Variants in CACNA1H observed in about 807,000 individuals in gnomAD.
The protein encoded by CACNA1H is voltage-dependent T-type calcium channel subunit alpha-1H.
A neutral mutation model predicts 192.5 loss-of-function variants in CACNA1H; 149 were observed. That is an observed-to-expected ratio of 0.77 (90% CI 0.68 to 0.89). CACNA1H has a LOEUF of 0.89. CACNA1H is among the 40% of genes least tolerant of loss of function. CACNA1H has a pLI of 0.00. For synonymous variants in CACNA1H, 2,202 were observed against 1,475.2 expected, an observed-to-expected ratio of 1.49 and a Z score of -11.29; for missense variants, 4,257 against 3,423.5, an observed-to-expected ratio of 1.24 and a Z score of -6.08.
chr16:1,201,407 G>T (rs1046338337), intron 8 of CACNA1H, among the ~76,000 whole-genome samples: 1 of 152,274 alleles, frequency 6.6e-6, no homozygotes. Flanking sequence ...TAAAGGAGGG[G>T]CCGAGCCACA....
rs575944941 is a variant in CACNA1H at position 1,218,514 on chromosome 16, G to T, written c.5750G>T (p.Arg1917Leu). Residue 1917 changes from arginine (R) to leucine (L), a missense_variant, in exon 33 of 35, where the codon CGC becomes CTC. By Grantham distance (102) the Arg-to-Leu change is moderately radical. Coordinates refer to ENST00000348261, the MANE Select transcript of CACNA1H (RefSeq NM_021098.3). ...AGGGACGCCCCAAACCTGGTTGCAC[G>T]CAAGGTGTCCGTGTCCAGGATGCTC... ...GARDAPNLVA[R>L]KVSVSRMLSL... 5 of 1,553,986 alleles carry T rather than the reference G, an allele frequency of 3.2e-6. No individual in the cohort carries two copies. The South Asian group carries it at 5.9e-5, about 18-fold the overall frequency.
chr16:1,168,739 C>G (rs1003542322), intron 2 of CACNA1H, among the ~76,000 whole-genome samples: 1 of 152,186 alleles, frequency 6.6e-6, no homozygotes, highest in Non-Finnish European at 1.5e-5. Context: ...ATGCCCCACT[C>G]TGGGTGCCTT....
intron 5 of CACNA1H, 121 bp from the exon 6 acceptor site, chr16:1,198,494 C>T: frequency 5.8e-6 from 6 of 1,038,080 alleles, no homozygotes; most frequent in East Asian, 2.4e-5. Flanking sequence ...AGTCAGTGTG[C>T]AGTGGGCGTG....
chr16:1,212,443 A>AGCAGGGAGG, intron 25 of CACNA1H, 68 bp from the exon 26 acceptor site: 2 of 1,480,024 alleles, frequency 1.4e-6, no homozygotes, highest in South Asian at 2.4e-5. Context: ...GCTGAGGGAG[A>AGCAGGGAGG]GCAGGGAGGG....
Position 1,221,750 on chromosome 16 carries a change from T to C in CACNA1H, c.*756T>C, listed in dbSNP as rs376972103. 7.1e-6 allele frequency: 11 copies of C among 1,558,598 alleles called. No individual in the cohort carries two copies. The highest frequency in any genetic ancestry group is 9.6e-6 in the Non-Finnish European group (11 of 1,149,984). Reference sequence around the variant, plus strand: ...GAGGGAGGGGGCGGAGCGGAATAAATAGTAACTTATTTAAGAAATGCACTT... The same window carrying C: ...GAGGGAGGGGGCGGAGCGGAATAAACAGTAACTTATTTAAGAAATGCACTT... On this transcript the variant is annotated 3_prime_UTR_variant, in exon 35 of 35. Coordinates refer to ENST00000348261, the MANE Select transcript of CACNA1H (RefSeq NM_021098.3).
intron 2 of CACNA1H, among the ~76,000 whole-genome samples, chr16:1,162,554 T>TG (rs1486153547): frequency 6.6e-6 from 1 of 151,202 alleles, no homozygotes; most frequent in Non-Finnish European, 1.5e-5. Flanking sequence ...GAGCCTCGGT[T>TG]GGCACGGGGG....
In CACNA1H at chr16:1,210,037, C is replaced by T. The variant is rs773881668; in HGVS notation, c.3747C>T (p.Ser1249=). 1.9e-6 allele frequency: 3 copies of T among 1,549,390 alleles called. No individual in the cohort carries two copies. Among genetic ancestry groups the T allele is most frequent in the South Asian group, 1.2e-5 (1 of 84,084 alleles). Reference sequence around the variant, plus strand: ...GAAGCCGCCGCCTCATCCCACAGAGCTGCTGCCTCCGCCTGCATAAAGTGC... The same window carrying T: ...GAAGCCGCCGCCTCATCCCACAGAGTTGCTGCCTCCGCCTGCATAAAGTGC... ...AAELDDDSED[S]CCLRLHKVLE... is the part of the protein sequence containing the mutation. The change falls in exon 18 of 35, where the codon AGC becomes AGT. Residue 1249 remains serine, a splice_region_variant and synonymous_variant. Transcript: ENST00000348261.
At chr16:1,184,463 C>CA (rs1466632277) in intron 2 of CACNA1H, among the ~76,000 whole-genome samples, 2 of 152,240 alleles carry the variant, frequency 1.3e-5, no homozygotes, top group Non-Finnish European at 2.9e-5. Flanking sequence ...GGGGAGGGCT[C>CA]ATCACCTGCC....
intron 26 of CACNA1H, 101 bp from the exon 27 acceptor site, chr16:1,213,679 T>C (rs1226837775): frequency 3.4e-6 from 3 of 878,186 alleles, no homozygotes; most frequent in Non-Finnish European, 5.0e-6. Context: ...GCCCCCAACT[T>C]CTACCCTACA....
In CACNA1H at chr16:1,220,646, A is replaced by G; in HGVS notation, c.6714A>G (p.Ser2238=). 2 of 1,602,654 alleles carry G rather than the reference A, an allele frequency of 1.2e-6. No homozygotes were observed. The highest frequency in any genetic ancestry group is 1.7e-6 in the Non-Finnish European group (2 of 1,174,954). The part of the protein sequence containing the change: ...HRDSLEPTEG[S]GAGGDPAAKG... ...ACTCCCTGGAGCCCACAGAGGGCTC[A>G]GGCGCCGGGGGGGACCCTGCAGCCA... is the stretch of plus-strand genomic sequence containing the variant. Residue 2238 remains serine, a synonymous_variant, in exon 35 of 35, where the codon TCA becomes TCG. Coordinates refer to ENST00000348261, the MANE Select transcript of CACNA1H (RefSeq NM_021098.3).
At chr16:1,202,839 G>A (rs1214493989) in intron 9 of CACNA1H, among the ~76,000 whole-genome samples, 1 of 152,152 alleles carries the variant, frequency 6.6e-6, no homozygotes, top group African/African-American at 2.4e-5. Flanking sequence ...CGTGGCCATT[G>A]AGGCTGGCCC....
intron 2 of CACNA1H, among the ~76,000 whole-genome samples, chr16:1,155,514 G>C (rs1212015572): frequency 1.3e-5 from 2 of 152,196 alleles, no homozygotes; most frequent in Non-Finnish European, 2.9e-5. Context: ...GACTGCATGG[G>C]TTGGAATGGG....
At position 1,200,551 on chromosome 16, in the gene CACNA1H, G is replaced by A. The variant is rs755831332; in HGVS notation, c.1099G>A (p.Ala367Thr). The change falls in exon 7 of 35, where the codon GCC becomes ACC. Residue 367 changes from alanine (A) to threonine (T), a missense_variant. Transcript: ENST00000348261. ...GAINFDNIGYAWIAIFQVITL... is the reference protein window; with the variant it reads ...GAINFDNIGYTWIAIFQVITL... The stretch of plus-strand genomic sequence containing the variant: ...CATCAACTTCGACAACATCGGCTAC[G>A]CCTGGATTGCCATCTTCCAGGTGGG... The A allele has an allele frequency of 3.1e-6, 5 of 1,612,086 alleles. No individual in the cohort carries two copies. The South Asian group carries it at 3.3e-5, about 11-fold the overall frequency.
chr16:1,177,942 G>A (rs946180029), intron 2 of CACNA1H, among the ~76,000 whole-genome samples: 3 of 151,740 alleles, frequency 2.0e-5, no homozygotes, highest in Admixed American at 2.0e-4. Flanking sequence ...GCAGGTGCCC[G>A]GGCTGCGGGC....
At position 1,195,996 on chromosome 16, in the gene CACNA1H, C is replaced by T. The variant is rs1478477776; in HGVS notation, c.616C>T (p.Pro206Ser). The change falls in exon 5 of 35, where the codon CCC becomes TCC. Residue 206 changes from proline to serine, a missense_variant. Pro to Ser is a moderately conservative substitution (Grantham distance 74). Transcript: ENST00000348261. Reference protein sequence around the residue: ...SAIRTVRVLRPLRAINRVPSM... With the variant: ...SAIRTVRVLRSLRAINRVPSM... ...TATCAGGACCGTGCGGGTGCTGCGG[C>T]CCCTCCGCGCCATCAACCGCGTGCC... 2 of 1,612,944 alleles carry T rather than the reference C, an allele frequency of 1.2e-6. No homozygotes were observed. The highest frequency in any genetic ancestry group is 2.2e-5 in the East Asian group (1 of 44,880).
chr16:1,219,919 C>T (rs1970347888), intron 34 of CACNA1H, 62 bp from the exon 35 acceptor site: 23 of 1,223,688 alleles, frequency 1.9e-5, no homozygotes, highest in Non-Finnish European at 2.4e-5. Context: ...GTCTCCGAGC[C>T]CTGGCCACTG....
intron 7 of CACNA1H, 65 bp downstream of exon 7, chr16:1,200,636 C>T (rs1356624985): frequency 3.1e-6 from 5 of 1,588,482 alleles, no homozygotes; most frequent in South Asian, 1.1e-5. Flanking sequence ...CAGGACTCGC[C>T]CCCCCCAGCC....
Position 1,158,439 on chromosome 16 carries a change from C to T in CACNA1H, c.299+4403C>T, listed in dbSNP as rs144066810. 1.8e-3 allele frequency among the ~76,000 whole-genome samples: 280 copies of T among 152,206 alleles called. 1 individual carries two copies. The highest frequency in any genetic ancestry group is 3.4e-3 in the Middle Eastern group (1 of 292). ...CCGGGGTGATGGGAAGAGAGGCCCC[C>T]GGGGATGATGGCAGGGTAGGGGTCT... On this transcript the variant is annotated intron_variant, in intron 2 of 34. Coordinates refer to ENST00000348261, the MANE Select transcript of CACNA1H (RefSeq NM_021098.3).
intron 2 of CACNA1H, among the ~76,000 whole-genome samples, chr16:1,190,240 G>A (rs141860908): frequency 1.3e-3 from 202 of 152,364 alleles, no homozygotes; most frequent in Admixed American, 1.8e-3. Flanking sequence ...CTGCTTCTCC[G>A]ACCCGCAGTG....
Sources: gnomAD v4.1 joint callset for allele counts (sites outside exome capture counted in the v4.1 genomes callset) on GRCh38, gnomAD v4.1.1 for gene constraint, MANE v1.5 for transcripts, NCBI Gene and HGNC (gene_info 2026-07-23, HGNC 2026-07-21) for gene names.